The following NCMAP variants were observed in gnomAD, a reference collection of about 807,000 sequenced individuals.
NCMAP encodes noncompact myelin-associated protein.
NCMAP carries 8 observed loss-of-function variants against 7.8 expected under a neutral mutation model. That is an observed-to-expected ratio of 1.02 (90% CI 0.60 to 1.84). The LOEUF is 1.84. Among genes scored for constraint, NCMAP ranks in the 40% most tolerant of loss-of-function variants. The probability of loss-of-function intolerance (pLI) is 0.00; values close to 1 mark genes in which losing one functional copy is unlikely to be tolerated. For synonymous variants in NCMAP, 41 were observed against 52.9 expected (o/e 0.78, Z 0.98); for missense variants, 112 against 131.4 (o/e 0.85, Z 0.72).
chr1:24,560,209 A>G (rs149823164), intron 1 of NCMAP, among the ~76,000 whole-genome samples: 9 of 151,994 alleles, frequency 5.9e-5, no homozygotes, highest in African/African-American at 2.2e-4. Context: ...GCCTCTGAAG[A>G]AACTTGTGTC....
chr1:24,587,752 A>G (rs1300943439), intron 1 of NCMAP, among the ~76,000 whole-genome samples: 3 of 152,042 alleles, frequency 2.0e-5, no homozygotes, highest in Non-Finnish European at 4.4e-5. Flanking sequence ...GGCTCAAGCA[A>G]TACACCCACC....
At chr1:24,586,698 G>A (rs1396504126) in intron 1 of NCMAP, among the ~76,000 whole-genome samples, 2 of 150,314 alleles carry the variant, frequency 1.3e-5, no homozygotes, top group Admixed American at 6.7e-5. Flanking sequence ...GGAAACGGAG[G>A]TTGCAGTGAG....
chr1:24,573,865 T>A (rs1408870434), intron 1 of NCMAP, among the ~76,000 whole-genome samples: 3 of 146,460 alleles, frequency 2.0e-5, no homozygotes, highest in Admixed American at 2.0e-4. Context: ...CAGAGGAGAT[T>A]AGCGAGCGAG....
intron 1 of NCMAP, among the ~76,000 whole-genome samples, chr1:24,579,545 T>A (rs1651686593): frequency 6.6e-6 from 1 of 152,080 alleles, no homozygotes; most frequent in South Asian, 2.1e-4. Context: ...GACTAGCCTG[T>A]GCAACATAGC....
intron 3 of NCMAP, among the ~76,000 whole-genome samples, chr1:24,603,754 G>A (rs1056555864): frequency 2.0e-5 from 3 of 152,082 alleles, no homozygotes; most frequent in African/African-American, 2.4e-5. Context: ...AATGGTTCAC[G>A]GTTCTAAAAA....
At chr1:24,600,878 G>A in intron 2 of NCMAP, 62 bp from the exon 3 acceptor site, 1 of 1,453,708 alleles carries the variant, frequency 6.9e-7, no homozygotes, top group Non-Finnish European at 9.7e-7. Context: ...CCACAGCAGG[G>A]CGCCCTCCTG....
chr1:24,607,470 C>T lies in NCMAP; in HGVS notation c.*1723C>T, dbSNP rs1283707613. ...AAACTTGTGATCTTATAATTGATGGCATCTTGGAAACAAGGTAATAAATCT... is the reference window on the plus strand; with the variant it reads ...AAACTTGTGATCTTATAATTGATGGTATCTTGGAAACAAGGTAATAAATCT... On this transcript the variant is annotated 3_prime_UTR_variant, in exon 4 of 4. Coordinates refer to ENST00000374392, the MANE Select transcript of NCMAP (RefSeq NM_001010980.5). 4 of 145,360 alleles carry T rather than the reference C, an allele frequency of 2.8e-5. No homozygotes were observed. The allele number at this position is 145,360 out of a possible 1,614,324, so 9.0% of individuals were successfully genotyped here.
At chr1:24,600,081 A>AC (rs1476661607) in intron 2 of NCMAP, among the ~76,000 whole-genome samples, 1 of 143,248 alleles carries the variant, frequency 7.0e-6, no homozygotes, top group African/African-American at 2.6e-5. Context: ...AGTGATCCTC[A>AC]CCCCCCAGCC....
chr1:24,604,740 G>C (rs967485798), intron 3 of NCMAP, among the ~76,000 whole-genome samples: 13 of 144,978 alleles, frequency 9.0e-5, no homozygotes, highest in African/African-American at 2.5e-4. Flanking sequence ...CCAGCACTTT[G>C]GGAGGCCAAG....
chr1:24,582,175 A>G (rs1557598072), intron 1 of NCMAP, among the ~76,000 whole-genome samples: 2 of 152,058 alleles, frequency 1.3e-5, no homozygotes, highest in African/African-American at 2.4e-5. Flanking sequence ...CCCTGCACAC[A>G]TCGGATCCAC....
chr1:24,598,942 T>C (rs1001599738), intron 2 of NCMAP, among the ~76,000 whole-genome samples: 1 of 151,630 alleles, frequency 6.6e-6, no homozygotes, highest in East Asian at 2.0e-4. Flanking sequence ...CCAGCAGTTC[T>C]TGATATTTTC....
rs183617082 is a variant in NCMAP, at chr1:24,593,786, G to T, written c.-7-1638G>T. 5.9e-5 allele frequency among the ~76,000 whole-genome samples: 9 copies of T among 152,106 alleles called. No homozygotes were observed. In the East Asian group the frequency reaches 1.7e-3, roughly 29 times the overall value. On this transcript the variant is annotated intron_variant, in intron 1 of 3. Coordinates refer to ENST00000374392, the MANE Select transcript of NCMAP (RefSeq NM_001010980.5). ...CAAATTGTCAGCAGCTGGAGTAAAA[G>T]TGCCACTCGGAAATAATGAAGCCAA... is the stretch of plus-strand genomic sequence containing the variant.
At chr1:24,573,971 A>AAAAAAAAAAAAAAAAAAAAAAAAAAAAC in intron 1 of NCMAP, among the ~76,000 whole-genome samples, 1 of 137,550 alleles carries the variant, frequency 7.3e-6, no homozygotes, top group African/African-American at 2.9e-5. Context: ...AAAAAAAAAA[A>AAAAAAAAAAAAAAAAAAAAAAAAAAAAC]CAGAAAAAAG....
intron 1 of NCMAP, among the ~76,000 whole-genome samples, chr1:24,567,099 T>C (rs575665794): frequency 6.6e-6 from 1 of 152,252 alleles, no homozygotes; most frequent in South Asian, 2.1e-4. Context: ...GAGTTAAGCG[T>C]ATATTCGGAG....
chr1:24,590,446 G>A (rs1652010960), intron 1 of NCMAP, among the ~76,000 whole-genome samples: 1 of 152,120 alleles, frequency 6.6e-6, no homozygotes, highest in Non-Finnish European at 1.5e-5. Context: ...ATGTTGGTGA[G>A]GCTAGAAGGA....
chr1:24,590,827 T>A (rs1168946853), intron 1 of NCMAP, among the ~76,000 whole-genome samples: 2 of 152,172 alleles, frequency 1.3e-5, no homozygotes, highest in African/African-American at 4.8e-5. Flanking sequence ...AGCTCCAGAT[T>A]TCCCTGTCTC....
chr1:24,575,774 C>T (rs575961082), intron 1 of NCMAP, among the ~76,000 whole-genome samples: 2 of 151,906 alleles, frequency 1.3e-5, no homozygotes, highest in East Asian at 1.9e-4. Flanking sequence ...GGTGAAACCC[C>T]GTCTCTGCTA....
At chr1:24,602,459 A>G (rs1652536977) in intron 3 of NCMAP, among the ~76,000 whole-genome samples, 1 of 142,690 alleles carries the variant, frequency 7.0e-6, no homozygotes, top group African/African-American at 2.9e-5. Flanking sequence ...AGTCCCAGCT[A>G]CTCGGGAGGC....
In NCMAP at chr1:24,576,879, G is replaced by A. The variant is rs979281614; in HGVS notation, c.-7-18545G>A. Among the ~76,000 whole-genome samples, 17 of 152,230 alleles carry A rather than the reference G, an allele frequency of 1.1e-4. No homozygotes were observed. Among genetic ancestry groups the A allele is most frequent in the African/African-American group, 3.6e-4 (15 of 41,562 alleles). On this transcript the variant is annotated intron_variant, in intron 1 of 3. Transcript: ENST00000374392. The surrounding 1 kb of genome is among the most constrained non-coding windows in gnomAD (Gnocchi z 4.0). ...ACAGTGGCTCACACCTGTAATCCCA[G>A]CACTTTGGGAGGCTGAGGCAGGTGG...
Sources: allele counts gnomAD v4.1 joint callset (sites outside exome capture counted in the v4.1 genomes callset), GRCh38; gene constraint gnomAD v4.1.1; non-coding constraint Gnocchi (gnomAD v3.1); transcripts MANE v1.5; gene names NCBI Gene and HGNC (gene_info 2026-07-23, HGNC 2026-07-21).